The following UNK variants were observed in gnomAD, a reference collection of about 807,000 sequenced individuals.
UNK encodes the protein RING finger protein unkempt homolog.
A neutral mutation model predicts 97.6 loss-of-function variants in UNK; 32 were observed. That is an observed-to-expected ratio of 0.33 (90% CI 0.25 to 0.44). The LOEUF (loss-of-function observed/expected upper bound fraction) is 0.44, where lower values mean the gene tolerates loss of function less well. UNK is among the 20% of genes least tolerant of loss of function. The probability of loss-of-function intolerance (pLI) is 1.00; values close to 1 mark genes in which losing one functional copy is unlikely to be tolerated. For missense variants in UNK, 771 were observed against 1,098.4 expected (o/e 0.70, Z 4.21); for synonymous variants, 441 against 461.2 (o/e 0.96, Z 0.56).
chr17:75,822,409 AGGCAGGGCT>A, intron 13 of UNK, 59 bp from the exon 14 acceptor site: 3 of 1,520,366 alleles, frequency 2.0e-6, no homozygotes, highest in Non-Finnish European at 2.7e-6. Context: ...GGAACCTCTG[AGGCAGGGCT>A]GGCCAGGGCC....
intron 1 of UNK, chr17:75,794,266 A>G (rs777419323): frequency 2.6e-6 from 2 of 768,184 alleles, no homozygotes; most frequent in Non-Finnish European, 3.2e-6. Context: ...AAACTCTCTG[A>G]CATATTCTAA....
rs1025273187 is a variant in UNK at position 75,819,209 on chromosome 17, G to C, written c.1546+393G>C. The C allele has an allele frequency of 4.3e-6, 1 of 231,768 alleles. No individual in the cohort carries two copies. Among genetic ancestry groups the C allele is most frequent in the African/African-American group, 2.3e-5 (1 of 43,658 alleles). The allele number at this position is 231,768 out of a possible 1,614,324, so 14.4% of individuals were successfully genotyped here. On this transcript the variant is annotated intron_variant, in intron 11 of 15. Coordinates refer to ENST00000589666, the MANE Select transcript of UNK (RefSeq NM_001080419.3). The surrounding 1 kb of genome is among the most constrained non-coding windows in gnomAD (Gnocchi z 5.4). ...GTACTCATTTCTAGGTGCCCGCTTT[G>C]TGCCAGGTCCTGTGGCAGGCACTGA...
At position 75,784,975 on chromosome 17, in the gene UNK, A is replaced by C. The variant is rs1257484000; in HGVS notation, c.95A>C (p.Gln32Pro). ...CTGCAGGCACAGCCCGAGAAACCGCAGCACTACACGTACGTAGAGCCCCCC... is the reference window on the plus strand; with the variant it reads ...CTGCAGGCACAGCCCGAGAAACCGCCGCACTACACGTACGTAGAGCCCCCC... ...QVLQAQPEKPQHYTYLKEFRT... is the reference protein window; with the variant it reads ...QVLQAQPEKPPHYTYLKEFRT... The change falls in exon 1 of 16, where the codon CAG becomes CCG. Residue 32 changes from glutamine to proline, a missense_variant. This residue lies in a region of UNK where 246 missense variants were observed against 440.7 expected (regional missense o/e 0.56). Coordinates refer to ENST00000589666, the MANE Select transcript of UNK (RefSeq NM_001080419.3). 1.3e-6 allele frequency: 2 copies of C among 1,497,336 alleles called. No individual in the cohort carries two copies. Among genetic ancestry groups the C allele is most frequent in the South Asian group, 1.3e-5 (1 of 79,642 alleles). 92.8% of individuals were successfully genotyped at this position (1,497,336 alleles called of 1,614,324 possible).
intron 1 of UNK, among the ~76,000 whole-genome samples, chr17:75,794,406 G>A (rs1815229157): frequency 6.6e-6 from 1 of 152,128 alleles, no homozygotes; most frequent in Non-Finnish European, 1.5e-5. Context: ...GGAGGCTGAG[G>A]CGGGTGGATT....
chr17:75,811,407 A>G (rs1374421773), intron 2 of UNK, among the ~76,000 whole-genome samples: 1 of 152,110 alleles, frequency 6.6e-6, no homozygotes, highest in East Asian at 1.9e-4. Flanking sequence ...CCAGCCTAGC[A>G]CCTCTTTCTC....
At chr17:75,820,836 A>G (rs899337968) in intron 13 of UNK, among the ~76,000 whole-genome samples, 1 of 152,026 alleles carries the variant, frequency 6.6e-6, no homozygotes, top group African/African-American at 2.4e-5. Context: ...TCCCTCCCCG[A>G]GAGTGCCAGC....
chr17:75,788,070 C>A (rs951752980), intron 1 of UNK, among the ~76,000 whole-genome samples: 1 of 152,022 alleles, frequency 6.6e-6, no homozygotes, highest in Non-Finnish European at 1.5e-5. Context: ...AGTGGGTACA[C>A]ATGGACATAC....
chr17:75,800,635 G>A (rs1183241152), intron 1 of UNK, among the ~76,000 whole-genome samples: 2 of 151,582 alleles, frequency 1.3e-5, no homozygotes, highest in South Asian at 4.2e-4. Context: ...TACTCGGGAG[G>A]CTGAGGCAGG....
chr17:75,815,976 A>G (rs1413281107), intron 7 of UNK, among the ~76,000 whole-genome samples: 1 of 152,234 alleles, frequency 6.6e-6, no homozygotes, highest in Non-Finnish European at 1.5e-5. Flanking sequence ...TATTTAGCCC[A>G]ACATAAAAGG....
chr17:75,804,738 G>A (rs2061894643), intron 1 of UNK, among the ~76,000 whole-genome samples: 1 of 152,024 alleles, frequency 6.6e-6, no homozygotes, highest in African/African-American at 2.4e-5. Context: ...TACTCGGGAG[G>A]CTGAGGCAGG....
chr17:75,802,242 CTTTTTTTTTTTTTT>C (rs56221993), intron 1 of UNK, among the ~76,000 whole-genome samples: 138 of 47,262 alleles, frequency 2.9e-3, no homozygotes, highest in East Asian at 0.022. Context: ...GCACAGATGT[CTTTTTTTTTTTTTT>C]TTTTTTTTTT....
intron 1 of UNK, among the ~76,000 whole-genome samples, chr17:75,801,770 A>G (rs1390554676): frequency 6.6e-6 from 1 of 150,638 alleles, no homozygotes; most frequent in Non-Finnish European, 1.5e-5. Flanking sequence ...GTCTTGAACT[A>G]CTGACCTTGT....
In UNK at chr17:75,813,192, GC is replaced by G; in HGVS notation, c.742del (p.Arg248GlyfsTer72). ...YYHNSKDRRR[S>X]PRKHKYRSSP... ...CACAACAGCAAGGACCGGCGGCGGAGCCCCCGGAAGCACAAATACAGGTCCT... is the reference window on the plus strand; with the variant it reads ...CACAACAGCAAGGACCGGCGGCGGAGCCCCGGAAGCACAAATACAGGTCCT... On this transcript the variant is annotated frameshift_variant, in exon 5 of 16. Coordinates refer to ENST00000589666, the MANE Select transcript of UNK (RefSeq NM_001080419.3). LOFTEE classifies it high-confidence loss of function. 6.3e-7 allele frequency: 1 copy of G among 1,587,202 alleles called. No individual in the cohort carries two copies. Among genetic ancestry groups the G allele is most frequent in the Admixed American group, 1.8e-5 (1 of 55,352 alleles).
intron 7 of UNK, among the ~76,000 whole-genome samples, chr17:75,815,587 C>T (rs2062009284): frequency 6.6e-6 from 1 of 152,238 alleles, no homozygotes; most frequent in African/African-American, 2.4e-5. Context: ...CCATGACAGA[C>T]ATCACTAATG....
chr17:75,791,974 G>A, intron 1 of UNK: 3 of 985,304 alleles, frequency 3.0e-6, no homozygotes, highest in Non-Finnish European at 2.4e-6. Context: ...AGATACCCTC[G>A]TGGACCTACA....
At chr17:75,823,658 A>C in intron 15 of UNK, 136 bp downstream of exon 15, 1 of 1,277,454 alleles carries the variant, frequency 7.8e-7, no homozygotes, top group Non-Finnish European at 1.0e-6. Flanking sequence ...CAGCACTCAA[A>C]AGGCCGGCCT....
In UNK at chr17:75,825,423, G is replaced by C. The variant is rs1488042648; in HGVS notation, c.*1006G>C. 1 of 152,636 alleles carries C rather than the reference G, an allele frequency of 6.6e-6. No homozygotes were observed. The highest frequency in any genetic ancestry group is 2.4e-5 in the African/African-American group (1 of 41,462). 9.5% of individuals were successfully genotyped at this position (152,636 alleles called of 1,614,324 possible). On this transcript the variant is annotated 3_prime_UTR_variant, in exon 16 of 16. Coordinates refer to ENST00000589666, the MANE Select transcript of UNK (RefSeq NM_001080419.3). This position sits in a 1 kb window ranked among gnomAD's most constrained non-coding sequence, Gnocchi z 4.4. ...AGGCCCTGCCCTCCTACCCGGAGGG[G>C]CTCCGTTTGCATTCCTTGGTGCTCT...
In UNK at chr17:75,823,494, T is replaced by C. The variant is rs1456106102; in HGVS notation, c.2249T>C (p.Leu750Pro). ...LSTLYSLQKQ[L>P]RAHLEQVDKA... is the part of the protein sequence containing the mutation. ...ACCCTCTACTCCCTCCAGAAACAAC[T>C]GCGGGCCCACCTGGAACAAGTGGAC... Residue 750 changes from leucine (L) to proline (P), a missense_variant, in exon 15 of 16, where the codon CTG becomes CCG. Physicochemically the swap from Leu to Pro is moderately conservative, Grantham distance 98 (BLOSUM62 -3). This residue lies in a region of UNK where 208 missense variants were observed against 257.4 expected (regional missense o/e 0.81). Coordinates refer to ENST00000589666, the MANE Select transcript of UNK (RefSeq NM_001080419.3). 6.4e-7 allele frequency: 1 copy of C among 1,566,928 alleles called. No homozygotes were observed. The highest frequency in any genetic ancestry group is 1.8e-5 in the Admixed American group (1 of 55,396).
At chr17:75,792,879 A>G (rs904074821) in intron 1 of UNK, among the ~76,000 whole-genome samples, 2 of 152,278 alleles carry the variant, frequency 1.3e-5, no homozygotes, top group Non-Finnish European at 2.9e-5. Flanking sequence ...CTCTTACCAT[A>G]GAGAGGGCTT....
Sources: gnomAD v4.1 joint callset for allele counts (sites outside exome capture counted in the v4.1 genomes callset) on GRCh38, gnomAD v4.1.1 for gene constraint, gnomAD v4.1.1 regional missense constraint, Gnocchi (gnomAD v3.1) non-coding constraint, MANE v1.5 for transcripts, NCBI Gene and HGNC (gene_info 2026-07-23, HGNC 2026-07-21) for gene names.